ASTN2: variants seen among roughly 807,000 people sequenced by gnomAD.
ASTN2 encodes astrotactin 2, also known as astrotactin-2.
In ASTN2, 54 loss-of-function variants were observed where a neutral mutation model predicts 139.8. That is an observed-to-expected ratio of 0.39 (90% CI 0.31 to 0.48). The LOEUF is 0.48. Ranked by LOEUF, ASTN2 falls within the 20% of genes least tolerant of loss-of-function variation. The probability of loss-of-function intolerance (pLI) is 0.95; values close to 1 mark genes in which losing one functional copy is unlikely to be tolerated. For missense variants in ASTN2, 1,565 were observed against 1,725.1 expected (o/e 0.91, Z 1.64); for synonymous variants, 756 against 719.5 (o/e 1.05, Z -0.81).
chr9:117,406,811 T>C (rs2130972100), intron 1 of ASTN2, among the ~76,000 whole-genome samples: 1 of 151,578 alleles, frequency 6.6e-6, no homozygotes, highest in South Asian at 2.1e-4. Context: ...TCTTCTCACA[T>C]ACTACATAAC....
chr9:116,445,805 A>C (rs1420051421), intron 20 of ASTN2, among the ~76,000 whole-genome samples: 1 of 152,206 alleles, frequency 6.6e-6, no homozygotes, highest in Non-Finnish European at 1.5e-5. Context: ...GGCCCAGTTC[A>C]ATCTTTGCTC....
At chr9:117,227,790 C>T (rs1832763366) in intron 2 of ASTN2, among the ~76,000 whole-genome samples, 1 of 152,104 alleles carries the variant, frequency 6.6e-6, no homozygotes, top group Non-Finnish European at 1.5e-5. Context: ...GAATTCCAAG[C>T]TTGTTTAGTC....
rs532084545 is a variant in ASTN2 at position 116,699,733 on chromosome 9, T to C, written c.2806+26038A>G. On this transcript the variant is annotated intron_variant, in intron 16 of 22. Transcript: ENST00000313400. This position sits in a 1 kb window ranked among gnomAD's most constrained non-coding sequence, Gnocchi z 4.2. The stretch of plus-strand genomic sequence containing the variant: ...ATGAGAAATTATCAGTTTCTTCTGC[T>C]CCCAAGCCAACTTCCCTTCCCTTAG... 2 of 1,614,070 alleles carry C rather than the reference T, an allele frequency of 1.2e-6. No homozygotes were observed. Among genetic ancestry groups the C allele is most frequent in the East Asian group, 2.2e-5 (1 of 44,880 alleles).
At chr9:116,607,228 C>CATATGCA (rs1564149112) in intron 19 of ASTN2, among the ~76,000 whole-genome samples, 1 of 152,306 alleles carries the variant, frequency 6.6e-6, no homozygotes, top group East Asian at 1.9e-4. Context: ...TGTGTCTAAC[C>CATATGCA]ATATGCAATT....
chr9:116,668,929 C>G (rs1859028326), intron 16 of ASTN2, among the ~76,000 whole-genome samples: 1 of 152,056 alleles, frequency 6.6e-6, no homozygotes. Context: ...AGGCACCAGA[C>G]CAGATTGAGG....
intron 6 of ASTN2, among the ~76,000 whole-genome samples, chr9:117,035,749 TCCA>T (rs1472512496): frequency 6.6e-6 from 1 of 152,136 alleles, no homozygotes; most frequent in African/African-American, 2.4e-5. Flanking sequence ...CAGACAGCCA[TCCA>T]CCTGGCTTCA....
At chr9:116,890,235 A>G (rs1474905046) in intron 10 of ASTN2, among the ~76,000 whole-genome samples, 2 of 152,196 alleles carry the variant, frequency 1.3e-5, no homozygotes, top group African/African-American at 4.8e-5. Context: ...CTTCATAGTT[A>G]CATTCCTTGG....
chr9:116,721,783 T>C (rs1345256501), intron 16 of ASTN2, among the ~76,000 whole-genome samples: 1 of 152,198 alleles, frequency 6.6e-6, no homozygotes, highest in Non-Finnish European at 1.5e-5. Context: ...GATATAAAAC[T>C]CTGCCTTCCT....
At chr9:117,305,124 C>T (rs548142805) in intron 1 of ASTN2, among the ~76,000 whole-genome samples, 1 of 152,214 alleles carries the variant, frequency 6.6e-6, no homozygotes, top group African/African-American at 2.4e-5. Flanking sequence ...AATGTTGTTC[C>T]CATATTGCCA....
intron 13 of ASTN2, among the ~76,000 whole-genome samples, chr9:116,792,843 G>A (rs1321017191): frequency 6.6e-6 from 1 of 152,098 alleles, no homozygotes; most frequent in Non-Finnish European, 1.5e-5. Flanking sequence ...TAGGCAGCTC[G>A]TGTTTCCATC....
chr9:116,940,475 C>T (rs372612749), intron 10 of ASTN2, among the ~76,000 whole-genome samples: 1 of 152,036 alleles, frequency 6.6e-6, no homozygotes, highest in Admixed American at 6.6e-5. Flanking sequence ...TATTGATGAT[C>T]CTGATTCTGT....
chr9:116,821,710 T>C (rs1391954740), intron 11 of ASTN2, among the ~76,000 whole-genome samples: 2 of 152,120 alleles, frequency 1.3e-5, no homozygotes, highest in African/African-American at 4.8e-5. Flanking sequence ...CTTGGCCATA[T>C]GCACAGCCCT....
intron 16 of ASTN2, among the ~76,000 whole-genome samples, chr9:116,692,308 A>G: frequency 6.6e-6 from 1 of 152,162 alleles, no homozygotes; most frequent in Non-Finnish European, 1.5e-5. Context: ...AGGTTTATGT[A>G]TCTGGGGCCT....
At chr9:117,223,402 A>G (rs567763632) in intron 2 of ASTN2, among the ~76,000 whole-genome samples, 1 of 152,318 alleles carries the variant, frequency 6.6e-6, no homozygotes, top group East Asian at 1.9e-4. Flanking sequence ...AAATGTCAAT[A>G]GCGCAGAGTT....
rs375327161 is a variant in ASTN2, at chr9:116,924,474, G to A, written c.1889+50734C>T. 1.4e-4 allele frequency among the ~76,000 whole-genome samples: 21 copies of A among 151,144 alleles called. No homozygotes were observed. The East Asian group carries it at 3.7e-3, about 27-fold the overall frequency. The stretch of plus-strand genomic sequence containing the variant: ...AAAGAATGGCTACTCCATTGGCAGC[G>A]GTGGCATGGGCTGCTCAGCTTCTTA... On this transcript the variant is annotated intron_variant, in intron 10 of 22. Coordinates refer to ENST00000313400, the MANE Select transcript of ASTN2 (RefSeq NM_001365068.1).
intron 4 of ASTN2, among the ~76,000 whole-genome samples, chr9:117,116,191 G>T (rs1829386533): frequency 6.6e-6 from 1 of 152,140 alleles, no homozygotes; most frequent in Non-Finnish European, 1.5e-5. Context: ...CCTATCTCCT[G>T]GGGGTAGCAG....
chr9:117,189,993 C>G (rs1831305020), intron 3 of ASTN2, among the ~76,000 whole-genome samples: 1 of 152,170 alleles, frequency 6.6e-6, no homozygotes, highest in South Asian at 2.1e-4. Flanking sequence ...CTCTGGGTTC[C>G]CACTGCTCAG....
At chr9:117,045,853 G>T (rs1838719706) in intron 5 of ASTN2, among the ~76,000 whole-genome samples, 1 of 152,134 alleles carries the variant, frequency 6.6e-6, no homozygotes, top group African/African-American at 2.4e-5. Context: ...GTGGCAAATG[G>T]TGTTGTGGTG....
intron 16 of ASTN2, among the ~76,000 whole-genome samples, chr9:116,705,379 C>T (rs554510386): frequency 6.6e-6 from 1 of 152,260 alleles, no homozygotes; most frequent in South Asian, 2.1e-4. Flanking sequence ...ACCCCTGCAA[C>T]CGCAAAGGAA....
Sources: allele counts gnomAD v4.1 joint callset (sites outside exome capture counted in the v4.1 genomes callset), GRCh38; gene constraint gnomAD v4.1.1; non-coding constraint Gnocchi (gnomAD v3.1); transcripts MANE v1.5; gene names NCBI Gene and HGNC (gene_info 2026-07-23, HGNC 2026-07-21).